The following COPA variants were observed in gnomAD, a reference collection of about 807,000 sequenced individuals.
COPA encodes coat protein complex I subunit alpha, also known as coatomer subunit alpha.
COPA carries 10 observed loss-of-function variants against 158.7 expected under a neutral mutation model. That is an observed-to-expected ratio of 0.06 (90% CI 0.04 to 0.11). The LOEUF is 0.11. Ranked by LOEUF, COPA falls within the 10% of genes least tolerant of loss-of-function variation. COPA has a pLI of 1.00. For synonymous variants in COPA, 462 were observed against 542.8 expected, an observed-to-expected ratio of 0.85 and a Z score of 2.07; for missense variants, 1,065 against 1,536.7, an observed-to-expected ratio of 0.69 and a Z score of 5.13.
chr1:160,293,542 T>G, intron 25 of COPA, 79 bp from the exon 26 acceptor site: 1 of 1,134,222 alleles, frequency 8.8e-7, no homozygotes, highest in Non-Finnish European at 1.2e-6. Context: ...TCACCTAGAC[T>G]GGAGTACAGA....
chr1:160,320,596 G>GA (rs1167820997), intron 8 of COPA, among the ~76,000 whole-genome samples: 2 of 100,324 alleles, frequency 2.0e-5, no homozygotes, highest in Non-Finnish European at 3.5e-5. Flanking sequence ...GCAACACAGC[G>GA]AGACTCCAAC....
intron 17 of COPA, among the ~76,000 whole-genome samples, chr1:160,299,921 A>G (rs1469106016): frequency 5.3e-5 from 8 of 152,232 alleles, no homozygotes; most frequent in Admixed American, 2.6e-4. Flanking sequence ...GAGAAGTTCA[A>G]TGAAAGCAAA....
intron 17 of COPA, 75 bp from the exon 18 acceptor site, chr1:160,299,339 A>G (rs1658521062): frequency 6.9e-7 from 1 of 1,446,180 alleles, no homozygotes; most frequent in South Asian, 1.3e-5. Flanking sequence ...CAAACCTAGG[A>G]AACGGTCTTT....
At position 160,311,880 on chromosome 1, in the gene COPA, A is replaced by G; in HGVS notation, c.1064T>C (p.Met355Thr). ...DFNSSKDVAV[M>T]QLRSGSKFPV... ...AAGTCCGATTTACCTCCGCAACTGC[A>G]TCACAGCTACATCTTTGGAGCTGTT... The change falls in exon 11 of 33, where the codon ATG becomes ACG. Residue 355 changes from methionine to threonine, a missense_variant. Physicochemically the swap from Met to Thr is moderately conservative, Grantham distance 81. Around this residue, in one of 2 missense-constraint regions of COPA, gnomAD observed 980 missense variants for 1,357.8 expected, o/e 0.72. Transcript: ENST00000241704. The G allele has an allele frequency of 5.0e-6, 8 of 1,613,114 alleles. No homozygotes were observed. Among genetic ancestry groups the G allele is most frequent in the Non-Finnish European group, 6.8e-6 (8 of 1,179,300 alleles).
chr1:160,335,195 G>A, intron 4 of COPA, 47 bp downstream of exon 4: 1 of 1,513,822 alleles, frequency 6.6e-7, no homozygotes, highest in Non-Finnish European at 9.0e-7. Flanking sequence ...AGATTACTAT[G>A]GGGAAACTAA....
intron 17 of COPA, among the ~76,000 whole-genome samples, chr1:160,300,344 A>AAAATAAAT (rs36034271): frequency 0.029 from 4,057 of 138,878 alleles, 96 homozygotes; most frequent in Middle Eastern, 0.065. Context: ...ACTCCGACTC[A>AAAATAAAT]AAATAAATAA....
At chr1:160,313,932 A>G (rs1659054362) in intron 9 of COPA, 58 bp downstream of exon 9, 1 of 1,478,650 alleles carries the variant, frequency 6.8e-7, no homozygotes, top group Non-Finnish European at 9.1e-7. Context: ...AAGTATTCCA[A>G]TCTAATTTTA....
At chr1:160,322,590 A>G (rs1001814317) in intron 8 of COPA, among the ~76,000 whole-genome samples, 1 of 152,300 alleles carries the variant, frequency 6.6e-6, no homozygotes, top group East Asian at 1.9e-4. Context: ...GCTGAAATAT[A>G]TATACATATA....
In COPA at chr1:160,293,452, A is replaced by G; in HGVS notation, c.2688T>C (p.Pro896=). 6.2e-7 allele frequency: 1 copy of G among 1,602,226 alleles called. No homozygotes were observed. Among genetic ancestry groups the G allele is most frequent in the South Asian group, 1.1e-5 (1 of 88,856 alleles). The change falls in exon 26 of 33, where the codon CCT becomes CCC. Residue 896 remains proline (P), a synonymous_variant. Transcript: ENST00000241704. ...LELPPELDIS[P]GAAGGAEDGF... ...CATCTTCAGCCCCACCAGCTGCCCC[A>G]GGGGATATATCCTAGGGGAAAAACA...
chr1:160,327,675 T>C (rs1406957151), intron 6 of COPA, among the ~76,000 whole-genome samples: 1 of 151,956 alleles, frequency 6.6e-6, no homozygotes, highest in African/African-American at 2.4e-5. Flanking sequence ...CTGGCTCAAA[T>C]GGTGAAACCC....
At chr1:160,336,526 A>G (rs1186454248) in intron 3 of COPA, among the ~76,000 whole-genome samples, 1 of 152,184 alleles carries the variant, frequency 6.6e-6, no homozygotes, top group African/African-American at 2.4e-5. Context: ...AGCCTGAGCT[A>G]AGCAGAGAAA....
chr1:160,332,540 T>C lies in COPA; in HGVS notation c.404A>G (p.Asn135Ser), dbSNP rs1352741369. ...GAACTGAGCACACATCACATAATGG[T>C]TGTGCCCTGTTAACACACTGCAAGA... ...RTCVCVLTGHNHYVMCAQFHP... is the reference protein window; with the variant it reads ...RTCVCVLTGHSHYVMCAQFHP... The change falls in exon 6 of 33, where the codon AAC becomes AGC. Residue 135 changes from asparagine (N) to serine (S), a missense_variant. Asn to Ser is a conservative substitution (Grantham distance 46). This residue lies in a region of COPA where 85 missense variants were observed against 178.9 expected (regional missense o/e 0.48). Transcript: ENST00000241704. 6.2e-7 allele frequency: 1 copy of C among 1,607,516 alleles called. No individual in the cohort carries two copies. Among genetic ancestry groups the C allele is most frequent in the Non-Finnish European group, 8.5e-7 (1 of 1,178,148 alleles).
At chr1:160,333,485 G>A (rs1647623382) in intron 5 of COPA, 118 bp downstream of exon 5, 2 of 649,484 alleles carry the variant, frequency 3.1e-6, no homozygotes, top group Non-Finnish European at 5.2e-6. Flanking sequence ...AATACAATCA[G>A]TAATTAATCA....
At chr1:160,306,008 A>T (rs1658774668) in intron 15 of COPA, 1 of 589,894 alleles carries the variant, frequency 1.7e-6, no homozygotes, top group Admixed American at 3.0e-5. Context: ...TTGTATTATT[A>T]GGGAATCTGT....
intron 3 of COPA, chr1:160,339,606 T>C (rs1176016146): frequency 3.9e-6 from 1 of 258,378 alleles, no homozygotes; most frequent in Non-Finnish European, 7.6e-6. Flanking sequence ...TATCTCTCTA[T>C]TATATTGCTT....
Position 160,291,319 on chromosome 1 carries a change from A to C in COPA, c.3420+16T>G, listed in dbSNP as rs370631804. 3.4e-5 allele frequency: 55 copies of C among 1,612,672 alleles called. No homozygotes were observed. The highest frequency in any genetic ancestry group is 1.9e-4 in the Middle Eastern group (1 of 5,308). On this transcript the variant is annotated intron_variant, in intron 31 of 32. Coordinates refer to ENST00000241704, the MANE Select transcript of COPA (RefSeq NM_004371.4). ...TGATCTGGCTTCCCTATGGTCACTGAAGGAGTTCCATCTACCTGTTGGGCC... is the reference window on the plus strand; with the variant it reads ...TGATCTGGCTTCCCTATGGTCACTGCAGGAGTTCCATCTACCTGTTGGGCC...
chr1:160,335,311 G>A lies in COPA; in HGVS notation c.240C>T (p.Tyr80=). 1 of 1,610,906 alleles carries A rather than the reference G, an allele frequency of 6.2e-7. No homozygotes were observed. The highest frequency in any genetic ancestry group is 8.5e-7 in the Non-Finnish European group (1 of 1,178,546). ...GDDYKIKVWN[Y]KLRRCLFTLL... ...ATGTGAAAAGACAGCGCCGAAGCTT[G>A]TAATTCCAAACCTGCAAAGACAAAT... The change falls in exon 4 of 33, where the codon TAC becomes TAT. Residue 80 remains tyrosine (Y), a synonymous_variant. Coordinates refer to ENST00000241704, the MANE Select transcript of COPA (RefSeq NM_004371.4).
rs1451623159 is a variant in COPA, at chr1:160,306,261, A to G, written c.1442+93T>C. 5.5e-6 allele frequency: 8 copies of G among 1,455,278 alleles called. No individual in the cohort carries two copies. In the Admixed American group the frequency reaches 9.3e-5, roughly 17 times the overall value. 90.1% of individuals were successfully genotyped at this position (1,455,278 alleles called of 1,614,324 possible). A position where few individuals can be genotyped will look rare whatever the true frequency, so the allele number is the denominator to read the frequency against. Reference sequence around the variant, plus strand: ...GAGCACAAGAAGTGGCCAAGCCACAAGACAAACTCACTTGGGGAAAAAAGG... The same window carrying G: ...GAGCACAAGAAGTGGCCAAGCCACAGGACAAACTCACTTGGGGAAAAAAGG... On this transcript the variant is annotated intron_variant, in intron 15 of 32. Coordinates refer to ENST00000241704, the MANE Select transcript of COPA (RefSeq NM_004371.4).
Position 160,299,083 on chromosome 1 carries a change from T to C in COPA, c.1830+19A>G. Reference sequence around the variant, plus strand: ...GTGCTGCCTCTCTTAATACTCTAGTTTGCATCCTCACTTCATACCTCATCA... The same window carrying C: ...GTGCTGCCTCTCTTAATACTCTAGTCTGCATCCTCACTTCATACCTCATCA... On this transcript the variant is annotated intron_variant, in intron 18 of 32. Transcript: ENST00000241704. 6.2e-7 allele frequency: 1 copy of C among 1,611,674 alleles called. No individual in the cohort carries two copies. Among genetic ancestry groups the C allele is most frequent in the Non-Finnish European group, 8.5e-7 (1 of 1,178,130 alleles).
Sources: allele counts gnomAD v4.1 joint callset (sites outside exome capture counted in the v4.1 genomes callset), GRCh38; gene constraint gnomAD v4.1.1; regional missense constraint gnomAD v4.1.1; transcripts MANE v1.5; gene names NCBI Gene and HGNC (gene_info 2026-07-23, HGNC 2026-07-21).